NLRC3: variants seen among roughly 807,000 people sequenced by gnomAD.
The protein encoded by NLRC3 is NLR family CARD domain containing 3.
A neutral mutation model predicts 91.6 loss-of-function variants in NLRC3; 87 were observed. That is an observed-to-expected ratio of 0.95 (90% confidence interval 0.80 to 1.14). NLRC3 has a LOEUF of 1.14. Ranked by LOEUF, NLRC3 falls within the 50% of genes most tolerant of loss-of-function variation. The pLI, the probability that NLRC3 is intolerant of heterozygous loss-of-function variation, is 0.00. For missense variants in NLRC3, 1,577 were observed against 1,418.6 expected (o/e 1.11, Z -1.79); for synonymous variants, 694 against 625.3 (o/e 1.11, Z -1.64).
At position 3,561,742 on chromosome 16, in the gene NLRC3, T is replaced by G. The variant is rs1467682219; in HGVS notation, c.1975A>C (p.Ser659Arg). The stretch of plus-strand genomic sequence containing the variant: ...CGACAGTCCTTCCCACTCAGCACGC[T>G]GCCCAGCAGCTCCATCACGGGGTCC... ...FQDPVMELLG[S>R]VLSGKDCRIQ... Residue 659 changes from serine to arginine, a missense_variant, in exon 6 of 20, where the codon AGC (serine) becomes CGC (arginine). Coordinates refer to ENST00000359128, the MANE Select transcript of NLRC3 (RefSeq NM_178844.4). The G allele has an allele frequency of 6.2e-7, 1 of 1,613,682 alleles. No homozygotes were observed. The highest frequency in any genetic ancestry group is 2.2e-5 in the East Asian group (1 of 44,878).
chr16:3,563,284 C>T lies in NLRC3; in HGVS notation c.1653G>A (p.Gln551=). The change falls in exon 5 of 20, where the codon CAG becomes CAA. Residue 551 remains glutamine (Q), a synonymous_variant. Coordinates refer to ENST00000359128, the MANE Select transcript of NLRC3 (RefSeq NM_178844.4). ...AYRTQVAELL[Q]GCLRPDAAVC... is the part of the protein sequence containing the mutation. ...CTGCGGCATCGGGGCGCAGGCAGCC[C>T]TGCAGGAGCTCAGCCACCTGGGTCC... The T allele has an allele frequency of 6.2e-7, 1 of 1,604,132 alleles. No homozygotes were observed. The highest frequency in any genetic ancestry group is 8.5e-7 in the Non-Finnish European group (1 of 1,176,458).
chr16:3,544,057 C>T, intron 16 of NLRC3, 189 bp downstream of exon 16: 2 of 573,332 alleles, frequency 3.5e-6, no homozygotes, highest in Non-Finnish European at 6.2e-6. Flanking sequence ...GTATGGGAGG[C>T]TGAGGCTTGA....
chr16:3,562,987 T>C (rs1047523175), intron 5 of NLRC3, 22 bp downstream of exon 5: 1 of 1,545,454 alleles, frequency 6.5e-7, no homozygotes, highest in Non-Finnish European at 8.7e-7. Context: ...CCCCAGCCCC[T>C]GCCCCCTGCC....
intron 1 of NLRC3, among the ~76,000 whole-genome samples, chr16:3,574,426 C>G (rs913307525): frequency 1.3e-5 from 2 of 151,970 alleles, no homozygotes; most frequent in East Asian, 3.9e-4. Flanking sequence ...CCACGGGACC[C>G]GAGCGGGGCT....
rs531877169 is a variant in NLRC3, at chr16:3,547,781, G to T, written c.2771+354C>A. Among the ~76,000 whole-genome samples, 19 of 150,998 alleles carry T rather than the reference G, an allele frequency of 1.3e-4. 1 individual carries two copies. The South Asian group carries it at 3.7e-3, about 30-fold the overall frequency. On this transcript the variant is annotated intron_variant, in intron 15 of 19. Transcript: ENST00000359128. ...CCTCCTGAGTTTAAGCGATTCTCCT[G>T]CCTCAGCCTCCCGAGTAGCTGGGAT...
intron 16 of NLRC3, 146 bp downstream of exon 16, chr16:3,544,100 G>A: frequency 1.7e-6 from 1 of 600,762 alleles, no homozygotes; most frequent in Non-Finnish European, 3.0e-6. Flanking sequence ...GGAGGTTACA[G>A]TTAGCTGAGA....
At chr16:3,562,701 C>CAG (rs112383114) in intron 5 of NLRC3, among the ~76,000 whole-genome samples, 17,977 of 151,956 alleles carry the variant, frequency 0.12, 1,483 homozygotes, top group African/African-American at 0.24. Context: ...GACCAGGCGA[C>CAG]GGGAGAGACT....
intron 6 of NLRC3, among the ~76,000 whole-genome samples, chr16:3,560,656 T>A (rs1207084161): frequency 4.6e-5 from 7 of 152,188 alleles, no homozygotes; most frequent in Middle Eastern, 3.2e-3. Flanking sequence ...TGTTTTGTTC[T>A]TTTTTGAGAC....
chr16:3,543,763 C>A (rs2038537482), intron 16 of NLRC3: 3 of 524,516 alleles, frequency 5.7e-6, no homozygotes, highest in South Asian at 4.4e-5. Flanking sequence ...CCCTGTACCT[C>A]CTCATTACTA....
intron 9 of NLRC3, among the ~76,000 whole-genome samples, chr16:3,552,558 C>T (rs1437749760): frequency 6.6e-6 from 1 of 152,114 alleles, no homozygotes; most frequent in Non-Finnish European, 1.5e-5. Context: ...AGCAACCTCC[C>T]GAATGGGGAC....
intron 5 of NLRC3, 23 bp downstream of exon 5, chr16:3,562,986 C>T: frequency 1.3e-6 from 2 of 1,545,960 alleles, no homozygotes; most frequent in South Asian, 1.2e-5. Context: ...TCCCCAGCCC[C>T]TGCCCCCTGC....
Position 3,564,415 on chromosome 16 carries a change from C to T in NLRC3, c.522G>A (p.Val174=). The T allele has an allele frequency of 6.2e-7, 1 of 1,612,694 alleles. No individual in the cohort carries two copies. Among genetic ancestry groups the T allele is most frequent in the South Asian group, 1.1e-5 (1 of 91,092 alleles). ...HGQVGKDFSL[V]LPLTFRDLNT... The stretch of plus-strand genomic sequence containing the variant: ...TGAGATCCCGGAAGGTCAGAGGCAG[C>T]ACCAGCGAGAAGTCCTTGCCGACCT... Residue 174 remains valine (V), a synonymous_variant, in exon 5 of 20, where the codon GTG becomes GTA. Coordinates refer to ENST00000359128, the MANE Select transcript of NLRC3 (RefSeq NM_178844.4). This position sits in a 1 kb window ranked among gnomAD's most constrained non-coding sequence, Gnocchi z 5.9.
Position 3,563,246 on chromosome 16 carries a change from G to T in NLRC3, c.1691C>A (p.Ala564Asp), listed in dbSNP as rs1355565962. 6.2e-7 allele frequency: 1 copy of T among 1,606,032 alleles called. No homozygotes were observed. The highest frequency in any genetic ancestry group is 8.5e-7 in the Non-Finnish European group (1 of 1,178,270). Residue 564 changes from alanine to aspartate, a missense_variant, in exon 5 of 20, where the codon GCC becomes GAC. Ala to Asp is a moderately radical substitution (Grantham distance 126). Coordinates refer to ENST00000359128, the MANE Select transcript of NLRC3 (RefSeq NM_178844.4). ...ATGCAGGCAGTGCAACACGTTGATGGCCCGTGCACAGACTGCGGCATCGGG... is the reference window on the plus strand; with the variant it reads ...ATGCAGGCAGTGCAACACGTTGATGTCCCGTGCACAGACTGCGGCATCGGG... ...LRPDAAVCAR[A>D]INVLHCLHEL...
chr16:3,566,837 G>A (rs1253017006), intron 2 of NLRC3, among the ~76,000 whole-genome samples: 1 of 152,216 alleles, frequency 6.6e-6, no homozygotes, highest in African/African-American at 2.4e-5. Context: ...GCTGCAATGA[G>A]CTGAGATTGC....
At chr16:3,543,328 T>C in intron 17 of NLRC3, 97 bp downstream of exon 17, 1 of 842,620 alleles carries the variant, frequency 1.2e-6, no homozygotes, top group South Asian at 1.5e-5. Flanking sequence ...CCAGGATGAT[T>C]TGTGAGTTGT....
chr16:3,563,293 C>T lies in NLRC3; in HGVS notation c.1644G>A (p.Glu548=), dbSNP rs1433513285. The T allele has an allele frequency of 1.2e-6, 2 of 1,602,364 alleles. No individual in the cohort carries two copies. The highest frequency in any genetic ancestry group is 1.1e-5 in the South Asian group (1 of 89,388). Reference sequence around the variant, plus strand: ...CGGGGCGCAGGCAGCCCTGCAGGAGCTCAGCCACCTGGGTCCGGTAGGCCT... The same window carrying T: ...CGGGGCGCAGGCAGCCCTGCAGGAGTTCAGCCACCTGGGTCCGGTAGGCCT... ...EHQAYRTQVA[E]LLQGCLRPDA... Residue 548 remains glutamate, a synonymous_variant, in exon 5 of 20, where the codon GAG becomes GAA. Transcript: ENST00000359128.
intron 16 of NLRC3, 94 bp from the exon 17 acceptor site, chr16:3,543,602 A>G: frequency 1.2e-6 from 1 of 828,574 alleles, no homozygotes. Flanking sequence ...CTCAGGATGG[A>G]AAGTGGAGAA....
In NLRC3 at chr16:3,564,194, A is replaced by G. The variant is rs764952937; in HGVS notation, c.743T>C (p.Leu248Pro). 2 of 1,613,492 alleles carry G rather than the reference A, an allele frequency of 1.2e-6. No homozygotes were observed. Among genetic ancestry groups the G allele is most frequent in the Non-Finnish European group, 1.7e-6 (2 of 1,179,886 alleles). The change falls in exon 5 of 20, where the codon CTG becomes CCG. Residue 248 changes from leucine to proline, a missense_variant. Physicochemically the swap from Leu to Pro is moderately conservative, Grantham distance 98. Coordinates refer to ENST00000359128, the MANE Select transcript of NLRC3 (RefSeq NM_178844.4). This position sits in a 1 kb window ranked among gnomAD's most constrained non-coding sequence, Gnocchi z 5.9. The part of the protein sequence containing the change: ...DPKKEIPVDH[L>P]ITNIIRGNLF... ...GTTGCCACGGATGATGTTGGTGATC[A>G]GGTGGTCCACCGGGATCTCCTTCTT...
rs1211617254 is a variant in NLRC3 at position 3,563,311 on chromosome 16, G to A, written c.1626C>T (p.Tyr542=). 6.3e-7 allele frequency: 1 copy of A among 1,599,818 alleles called. No homozygotes were observed. Among genetic ancestry groups the A allele is most frequent in the Non-Finnish European group, 8.5e-7 (1 of 1,174,290 alleles). The change falls in exon 5 of 20, where the codon TAC becomes TAT. Residue 542 remains tyrosine, a synonymous_variant. Coordinates refer to ENST00000359128, the MANE Select transcript of NLRC3 (RefSeq NM_178844.4). ...SLLAQGEHQA[Y]RTQVAELLQG... ...GCAGGAGCTCAGCCACCTGGGTCCG[G>A]TAGGCCTGGTGCTCGCCTTGGGCCA...
Sources: allele counts gnomAD v4.1 joint callset (sites outside exome capture counted in the v4.1 genomes callset), GRCh38; gene constraint gnomAD v4.1.1; non-coding constraint Gnocchi (gnomAD v3.1); transcripts MANE v1.5; gene names NCBI Gene and HGNC (gene_info 2026-07-23, HGNC 2026-07-21).